The following CCSER1 variants were observed in gnomAD, a reference collection of about 807,000 sequenced individuals.
The protein encoded by CCSER1 is serine-rich coiled-coil domain-containing protein 1.
CCSER1 carries 41 observed loss-of-function variants against 82.0 expected under a neutral mutation model. The observed-to-expected ratio is 0.50, with a 90% CI of 0.39 to 0.65. The LOEUF is 0.65. Among genes scored for constraint, CCSER1 ranks in the 30% least tolerant of loss-of-function variants. The pLI, the probability that CCSER1 is intolerant of heterozygous loss-of-function variation, is 0.00. For synonymous variants in CCSER1, 414 were observed against 383.9 expected (o/e 1.08, Z -0.92); for missense variants, 1,119 against 1,064.2 (o/e 1.05, Z -0.72).
At chr4:91,169,135 A>G (rs1330501031) in intron 10 of CCSER1, among the ~76,000 whole-genome samples, 1 of 149,968 alleles carries the variant, frequency 6.7e-6, no homozygotes, top group East Asian at 2.0e-4. Flanking sequence ...CCTTGTCTCC[A>G]CTATTATCCT....
chr4:90,661,345 C>T (rs1228210181), intron 6 of CCSER1, among the ~76,000 whole-genome samples: 2 of 152,138 alleles, frequency 1.3e-5, no homozygotes, highest in African/African-American at 4.8e-5. Flanking sequence ...ACAGAGATTG[C>T]ACATGACTTT....
intron 10 of CCSER1, among the ~76,000 whole-genome samples, chr4:91,594,955 A>C (rs1764494042): frequency 6.6e-6 from 1 of 151,914 alleles, no homozygotes; most frequent in South Asian, 2.1e-4. Context: ...AAACAAATAC[A>C]CTTTCAAGAC....
chr4:91,386,763 A>AT (rs2149344995), intron 10 of CCSER1, among the ~76,000 whole-genome samples: 1 of 152,208 alleles, frequency 6.6e-6, no homozygotes, highest in Non-Finnish European at 1.5e-5. Flanking sequence ...AGCGTCTCTT[A>AT]TGTATTAGCC....
At position 91,392,363 on chromosome 4, in the gene CCSER1, G is replaced by GCACACACGCGCACA. The variant is rs58770768; in HGVS notation, c.2218-206202_2218-206201insGCGCACACACACAC. 1.1e-3 allele frequency among the ~76,000 whole-genome samples: 169 copies of GCACACACGCGCACA among 148,214 alleles called. 1 individual carries two copies. The East Asian group carries it at 0.019, about 17-fold the overall frequency. ...AGTTAGCAATATGAAACCTACACATGCACACACACACACACACACACACAC... is the reference window on the plus strand; with the variant it reads ...AGTTAGCAATATGAAACCTACACATGCACACACGCGCACACACACACACACACACACACACACAC... On this transcript the variant is annotated intron_variant, in intron 10 of 10. Transcript: ENST00000509176.
chr4:91,567,606 G>A (rs1285573952), intron 10 of CCSER1, among the ~76,000 whole-genome samples: 2 of 152,076 alleles, frequency 1.3e-5, no homozygotes, highest in Non-Finnish European at 2.9e-5. Context: ...GTCTTTTGTT[G>A]AATTGAATTC....
chr4:91,378,668 T>C (rs1388639624), intron 10 of CCSER1, among the ~76,000 whole-genome samples: 3 of 152,218 alleles, frequency 2.0e-5, no homozygotes, highest in Non-Finnish European at 4.4e-5. Flanking sequence ...GATGGGGTTT[T>C]CTAAATATAC....
intron 3 of CCSER1, among the ~76,000 whole-genome samples, chr4:90,391,274 AAAAAAAAAAAAAG>A (rs1347139082): frequency 1.5e-5 from 2 of 130,618 alleles, no homozygotes; most frequent in African/African-American, 6.6e-5. Flanking sequence ...CTCTGTCTCA[AAAAAAAAAAAAAG>A]AAAAAAAAAG....
intron 5 of CCSER1, among the ~76,000 whole-genome samples, chr4:90,531,869 A>T (rs1283922197): frequency 6.6e-6 from 1 of 152,184 alleles, no homozygotes; most frequent in Admixed American, 6.5e-5. Context: ...AAGAAATGTC[A>T]GCATGACTTG....
At position 91,115,861 on chromosome 4, in the gene CCSER1, T is replaced by TATATATATA. The variant is rs757901995; in HGVS notation, c.2217+29867_2217+29868insATATATATA. Among the ~76,000 whole-genome samples, 155 of 133,544 alleles carry TATATATATA rather than the reference T, an allele frequency of 1.2e-3. 1 individual carries two copies. Among genetic ancestry groups the TATATATATA allele is most frequent in the East Asian group, 6.2e-3 (27 of 4,342 alleles). 87.6% of individuals were successfully genotyped at this position (133,544 alleles called of 152,430 possible). On this transcript the variant is annotated intron_variant, in intron 10 of 10. Transcript: ENST00000509176. Reference sequence around the variant, plus strand: ...TTCTTTTATATATATATATATATATTTTTTTTTATTATACTTTAAGTTCTA... The same window carrying TATATATATA: ...TTCTTTTATATATATATATATATATTATATATATATTTTTTTATTATACTTTAAGTTCTA...
intron 8 of CCSER1, among the ~76,000 whole-genome samples, chr4:90,868,448 CA>C (rs1379862962): frequency 3.3e-5 from 5 of 151,988 alleles, no homozygotes; most frequent in African/African-American, 1.2e-4. Flanking sequence ...TGGGAACATG[CA>C]AAGTTTGTCT....
chr4:90,629,956 A>T (rs897989700), intron 6 of CCSER1, among the ~76,000 whole-genome samples: 1 of 152,180 alleles, frequency 6.6e-6, no homozygotes, highest in African/African-American at 2.4e-5. Flanking sequence ...AGTACTATAT[A>T]ATTCTGACTG....
intron 1 of CCSER1, among the ~76,000 whole-genome samples, chr4:90,188,795 A>G (rs190715102): frequency 2.6e-5 from 4 of 151,992 alleles, no homozygotes; most frequent in African/African-American, 9.7e-5. Context: ...CCATATTTGC[A>G]TATTTATCCT....
At chr4:90,756,997 G>A (rs776928736) in intron 7 of CCSER1, among the ~76,000 whole-genome samples, 10 of 152,124 alleles carry the variant, frequency 6.6e-5, no homozygotes, top group Middle Eastern at 3.4e-3. Flanking sequence ...ACCTAGATTA[G>A]AACTTTAATT....
At chr4:90,223,291 TGTAA>T (rs934029999) in intron 1 of CCSER1, among the ~76,000 whole-genome samples, 5 of 152,194 alleles carry the variant, frequency 3.3e-5, no homozygotes, top group Non-Finnish European at 7.3e-5. Context: ...GTCAAAAGAC[TGTAA>T]GTATGTGATA....
chr4:90,726,634 A>G (rs1452022165), intron 7 of CCSER1, among the ~76,000 whole-genome samples: 3 of 152,128 alleles, frequency 2.0e-5, no homozygotes, highest in African/African-American at 7.2e-5. Context: ...CCTGAAAGAT[A>G]GTCTAAGCCC....
Position 90,565,535 on chromosome 4 carries a change from G to A in CCSER1, c.1725-62490G>A, listed in dbSNP as rs182903566. On this transcript the variant is annotated intron_variant, in intron 5 of 10. Transcript: ENST00000509176. ...CTCTTGCTTACTTGATCTGGCTAGAGTTTCCAGTACTATATTGAATGGAAG... is the reference window on the plus strand; with the variant it reads ...CTCTTGCTTACTTGATCTGGCTAGAATTTCCAGTACTATATTGAATGGAAG... 2.7e-4 allele frequency among the ~76,000 whole-genome samples: 41 copies of A among 152,296 alleles called. 1 individual carries two copies. Among genetic ancestry groups the A allele is most frequent in the African/African-American group, 7.7e-4 (32 of 41,560 alleles).
At chr4:90,377,838 GT>G (rs1748604690) in intron 3 of CCSER1, among the ~76,000 whole-genome samples, 1 of 152,066 alleles carries the variant, frequency 6.6e-6, no homozygotes, top group African/African-American at 2.4e-5. Flanking sequence ...TAAATTAACT[GT>G]GGGTGGAAAA....
In CCSER1 at chr4:90,578,048, C is replaced by G. The variant is rs115313777; in HGVS notation, c.1725-49977C>G. Among the ~76,000 whole-genome samples, 1,099 of 152,210 alleles carry G rather than the reference C, an allele frequency of 7.2e-3. 9 individuals carry two copies. Among genetic ancestry groups the G allele is most frequent in the Middle Eastern group, 0.037 (11 of 294 alleles). ...TAGAGTATGTCAAACGTGGGTTAGA[C>G]TCGTGCTGCTATTTACAGATGACAG... On this transcript the variant is annotated intron_variant, in intron 5 of 10. Transcript: ENST00000509176.
At chr4:90,802,836 A>G (rs1295252820) in intron 7 of CCSER1, among the ~76,000 whole-genome samples, 1 of 152,178 alleles carries the variant, frequency 6.6e-6, no homozygotes, top group Non-Finnish European at 1.5e-5. Flanking sequence ...GTCAATGATT[A>G]CACATCGTTG....
Sources: allele counts gnomAD v4.1 joint callset (sites outside exome capture counted in the v4.1 genomes callset), GRCh38; gene constraint gnomAD v4.1.1; transcripts MANE v1.5; gene names NCBI Gene and HGNC (gene_info 2026-07-23, HGNC 2026-07-21).